The following COL13A1 variants were observed in gnomAD, a reference collection of about 807,000 sequenced individuals.
The protein encoded by COL13A1 is collagen alpha-1(XIII) chain.
COL13A1 carries 89 observed loss-of-function variants against 130.9 expected under a neutral mutation model. That is an observed-to-expected ratio of 0.68 (90% CI 0.57 to 0.81). The LOEUF (loss-of-function observed/expected upper bound fraction) is 0.81, where lower values mean the gene tolerates loss of function less well. COL13A1 is among the 30% of genes least tolerant of loss of function. The pLI, the probability that COL13A1 is intolerant of heterozygous loss-of-function variation, is 0.00. For missense variants in COL13A1, 879 were observed against 934.6 expected (o/e 0.94, Z 0.78); for synonymous variants, 402 against 341.6 (o/e 1.18, Z -1.95).
At chr10:69,892,214 GC>G (rs1164146136) in intron 10 of COL13A1, among the ~76,000 whole-genome samples, 1 of 152,150 alleles carries the variant, frequency 6.6e-6, no homozygotes, top group African/African-American at 2.4e-5. Context: ...GCTGTTAGTT[GC>G]CCACCGCTGT....
At chr10:69,887,387 G>A (rs922282821) in intron 7 of COL13A1, 69 bp from the exon 8 acceptor site, 13 of 1,500,432 alleles carry the variant, frequency 8.7e-6, no homozygotes, top group Non-Finnish European at 1.2e-5. Flanking sequence ...AAGATGAACT[G>A]GAGGCCTAGG....
chr10:69,907,630 C>T (rs2062902290), intron 17 of COL13A1, among the ~76,000 whole-genome samples: 1 of 151,518 alleles, frequency 6.6e-6, no homozygotes, highest in Admixed American at 6.6e-5. Flanking sequence ...TAACCCACTC[C>T]CACAATAACT....
chr10:69,883,897 G>A (rs1197601117), intron 7 of COL13A1, among the ~76,000 whole-genome samples: 1 of 152,210 alleles, frequency 6.6e-6, no homozygotes, highest in East Asian at 1.9e-4. Flanking sequence ...CAACAACCAA[G>A]GCCTGGACTG....
At chr10:69,864,329 T>G (rs1314353600) in intron 2 of COL13A1, among the ~76,000 whole-genome samples, 1 of 152,162 alleles carries the variant, frequency 6.6e-6, no homozygotes, top group Non-Finnish European at 1.5e-5. Flanking sequence ...ATTGAATGAA[T>G]GAAGGAATGA....
rs770161176 is a variant in COL13A1, at chr10:69,932,577, C to T, written c.1701C>T (p.Ala567=). 7.6e-5 allele frequency: 122 copies of T among 1,611,638 alleles called. No individual in the cohort carries two copies. The highest frequency in any genetic ancestry group is 9.9e-5 in the South Asian group (9 of 90,902). Reference sequence around the variant, plus strand: ...GCCCACAGGGAGAGAAAGGAGAAGCCGGGGAGAAGGGCAATCCAGGAGCAG... The same window carrying T: ...GCCCACAGGGAGAGAAAGGAGAAGCTGGGGAGAAGGGCAATCCAGGAGCAG... ...QAGSPGEKGE[A]GEKGNPGAEV... is the part of the protein sequence containing the mutation. The change falls in exon 31 of 41, where the codon GCC becomes GCT. Residue 567 remains alanine, a synonymous_variant. Transcript: ENST00000645393.
intron 12 of COL13A1, 142 bp from the exon 13 acceptor site, chr10:69,895,408 A>T (rs377622847): frequency 7.0e-6 from 6 of 855,828 alleles, no homozygotes; most frequent in African/African-American, 5.0e-5. Flanking sequence ...CTTCTGCCTC[A>T]GAGGGCTCAG....
At chr10:69,824,258 C>T (rs1242182764) in intron 2 of COL13A1, 13 of 428,862 alleles carry the variant, frequency 3.0e-5, no homozygotes, top group South Asian at 2.1e-4. Flanking sequence ...ATTATTTTCT[C>T]AACTGCCTCT....
At chr10:69,943,405 G>C (rs1469605677) in intron 35 of COL13A1, among the ~76,000 whole-genome samples, 3 of 152,230 alleles carry the variant, frequency 2.0e-5, no homozygotes. Flanking sequence ...AACTGGGAAC[G>C]TGGGAAGATG....
chr10:69,918,542 C>T (rs1186307361), intron 19 of COL13A1, among the ~76,000 whole-genome samples: 3 of 152,222 alleles, frequency 2.0e-5, no homozygotes, highest in Non-Finnish European at 4.4e-5. Flanking sequence ...CCTGCCTCAA[C>T]TCACTAGCCT....
chr10:69,949,103 T>C (rs1387235337), intron 38 of COL13A1, among the ~76,000 whole-genome samples: 4 of 152,200 alleles, frequency 2.6e-5, no homozygotes, highest in Non-Finnish European at 5.9e-5. Flanking sequence ...GGGCAGCTTG[T>C]CCTCTTCATG....
Position 69,919,137 on chromosome 10 carries a change from G to A in COL13A1, c.1026+49G>A, listed in dbSNP as rs756371302. ...CGGGCTGCACAGAGCATCGGTCATG[G>A]GCAGAGGTGGGAGGGGCTGCTGCTG... On this transcript the variant is annotated intron_variant, in intron 20 of 40. Coordinates refer to ENST00000645393, the MANE Select transcript of COL13A1 (RefSeq NM_001368882.1). The A allele has an allele frequency of 2.5e-6, 4 of 1,611,830 alleles. No individual in the cohort carries two copies. The African/African-American group carries it at 4.0e-5, about 16-fold the overall frequency.
chr10:69,807,122 C>T (rs1470467708), intron 1 of COL13A1, among the ~76,000 whole-genome samples: 3 of 152,208 alleles, frequency 2.0e-5, no homozygotes, highest in Admixed American at 6.5e-5. Context: ...GGTAGACTCC[C>T]TAACCCCAGT....
chr10:69,823,818 G>T (rs1285727865), intron 2 of COL13A1, among the ~76,000 whole-genome samples: 1 of 152,178 alleles, frequency 6.6e-6, no homozygotes. Context: ...GGGCCCAGAA[G>T]ATAGGGCCCG....
At chr10:69,910,548 G>A (rs879661717) in intron 17 of COL13A1, among the ~76,000 whole-genome samples, 8 of 152,144 alleles carry the variant, frequency 5.3e-5, no homozygotes, top group South Asian at 2.1e-4. Context: ...AGCCAGACCC[G>A]CAAGGCAGGC....
At chr10:69,810,202 A>C (rs1251405764) in intron 1 of COL13A1, among the ~76,000 whole-genome samples, 1 of 152,144 alleles carries the variant, frequency 6.6e-6, no homozygotes, top group Non-Finnish European at 1.5e-5. Flanking sequence ...GTTGCATTAG[A>C]ATCGCCTGGG....
chr10:69,802,340 G>A lies in COL13A1; in HGVS notation c.-84G>A, dbSNP rs1840220421. On this transcript the variant is annotated 5_prime_UTR_variant, in exon 1 of 41. Transcript: ENST00000645393. ...GATACAAGCCCTTTCCCCCTGCCCC[G>A]CAGTTTGGATAGAGCCTTTTGGCAG... 7.5e-7 allele frequency: 1 copy of A among 1,340,742 alleles called. No individual in the cohort carries two copies. The highest frequency in any genetic ancestry group is 9.6e-7 in the Non-Finnish European group (1 of 1,040,118). 83.1% of individuals were successfully genotyped at this position (1,340,742 alleles called of 1,614,324 possible). A position where few individuals can be genotyped will look rare whatever the true frequency, so the allele number is the denominator to read the frequency against.
chr10:69,849,410 A>G (rs1279868588), intron 2 of COL13A1, among the ~76,000 whole-genome samples: 3 of 152,198 alleles, frequency 2.0e-5, no homozygotes, highest in Non-Finnish European at 2.9e-5. Context: ...ATGGAGGCCC[A>G]TGGTCCGCAG....
chr10:69,942,884 G>A (rs974664388), intron 35 of COL13A1, among the ~76,000 whole-genome samples: 1 of 152,202 alleles, frequency 6.6e-6, no homozygotes, highest in Non-Finnish European at 1.5e-5. Context: ...GTCTCGCTCT[G>A]TCACCCAGGC....
At chr10:69,953,780 C>A (rs1275384789) in intron 39 of COL13A1, among the ~76,000 whole-genome samples, 2 of 152,184 alleles carry the variant, frequency 1.3e-5, no homozygotes, top group African/African-American at 4.8e-5. Context: ...ACAAAGAGAG[C>A]ACAAAAGCTG....
Sources: gnomAD v4.1 joint callset for allele counts (sites outside exome capture counted in the v4.1 genomes callset) on GRCh38, gnomAD v4.1.1 for gene constraint, MANE v1.5 for transcripts, NCBI Gene and HGNC (gene_info 2026-07-23, HGNC 2026-07-21) for gene names.